LRRC4C: variants seen among roughly 807,000 people sequenced by gnomAD.
The protein encoded by LRRC4C is leucine-rich repeat-containing protein 4C.
LRRC4C carries 5 observed loss-of-function variants against 33.6 expected under a neutral mutation model. The ratio of observed to expected loss-of-function variants is 0.15; its 90% confidence interval spans 0.08 to 0.31. The LOEUF is 0.31. LRRC4C is among the 10% of genes least tolerant of loss of function. The pLI is 1.00. For missense variants in LRRC4C, 560 were observed against 796.7 expected (o/e 0.70, Z 3.58); for synonymous variants, 329 against 302.0 (o/e 1.09, Z -0.93).
At chr11:40,306,427 G>A (rs1444407179) in intron 4 of LRRC4C, among the ~76,000 whole-genome samples, 1 of 152,080 alleles carries the variant, frequency 6.6e-6, no homozygotes, top group Non-Finnish European at 1.5e-5. Context: ...CAAAACCAGA[G>A]TCACCTTCAA....
At chr11:41,154,592 G>A (rs559691826) in intron 1 of LRRC4C, among the ~76,000 whole-genome samples, 10 of 152,152 alleles carry the variant, frequency 6.6e-5, no homozygotes, top group South Asian at 6.2e-4. Flanking sequence ...CAAATAAGGC[G>A]AATAAAATGC....
At chr11:40,331,406 C>T (rs971133550) in intron 3 of LRRC4C, among the ~76,000 whole-genome samples, 1 of 152,152 alleles carries the variant, frequency 6.6e-6, no homozygotes, top group African/African-American at 2.4e-5. Context: ...AATCAACCAA[C>T]ATGTCCATCA....
chr11:40,369,408 G>A (rs1476484141), intron 3 of LRRC4C, among the ~76,000 whole-genome samples: 7 of 152,088 alleles, frequency 4.6e-5, no homozygotes, highest in African/African-American at 1.7e-4. Context: ...GCAATGGCGC[G>A]ATCTCGGAAT....
rs912977453 is a variant in LRRC4C at position 40,934,339 on chromosome 11, G to A, written c.-495-616C>T. On this transcript the variant is annotated intron_variant, in intron 1 of 6. Transcript: ENST00000528697. ...ATATTTTATGAGATTTATAGCTGGT[G>A]TTCCTAATTCTATGTCCCTGCCTTT... Among the ~76,000 whole-genome samples, 12 of 152,216 alleles carry A rather than the reference G, an allele frequency of 7.9e-5. No individual in the cohort carries two copies. The East Asian group carries it at 2.1e-3, about 27-fold the overall frequency.
In LRRC4C at chr11:40,846,416, C is replaced by T. The variant is rs566150209; in HGVS notation, c.-407+87219G>A. ...GCATATGGCTAGCAAGTTTTTCCAA[C>T]GCCATTTATTAAATAGGGAAGATTT... On this transcript the variant is annotated intron_variant, in intron 2 of 6. Coordinates refer to ENST00000528697, the MANE Select transcript of LRRC4C (RefSeq NM_001258419.2). Among the ~76,000 whole-genome samples the T allele has an allele frequency of 5.9e-5, 9 of 152,194 alleles. No individual in the cohort carries two copies. In the East Asian group the frequency reaches 1.2e-3, roughly 20 times the overall value.
At chr11:40,772,260 C>T (rs1320424924) in intron 2 of LRRC4C, among the ~76,000 whole-genome samples, 1 of 152,134 alleles carries the variant, frequency 6.6e-6, no homozygotes, top group Non-Finnish European at 1.5e-5. Context: ...GGGAATAAGC[C>T]TCTTATAAAT....
At chr11:41,254,139 A>C (rs1948726205) in intron 1 of LRRC4C, among the ~76,000 whole-genome samples, 1 of 152,058 alleles carries the variant, frequency 6.6e-6, no homozygotes, top group Non-Finnish European at 1.5e-5. Flanking sequence ...CATCCTTTTT[A>C]TTAATATTTT....
At chr11:41,406,650 C>A (rs1419216056) in intron 1 of LRRC4C, among the ~76,000 whole-genome samples, 1 of 149,332 alleles carries the variant, frequency 6.7e-6, no homozygotes, top group African/African-American at 2.5e-5. Context: ...TTGCTAGGAC[C>A]TAATCTAGCA....
intron 1 of LRRC4C, among the ~76,000 whole-genome samples, chr11:41,121,031 C>A (rs556634016): frequency 9.9e-5 from 15 of 152,100 alleles, no homozygotes; most frequent in Non-Finnish European, 1.9e-4. Flanking sequence ...TCAATTAAAG[C>A]TTTTTTTCTT....
At chr11:40,210,858 C>T (rs746468011) in intron 5 of LRRC4C, among the ~76,000 whole-genome samples, 4 of 152,142 alleles carry the variant, frequency 2.6e-5, no homozygotes, top group African/African-American at 7.2e-5. Context: ...CTGCAAGCTC[C>T]GCCTCCCGGG....
intron 1 of LRRC4C, among the ~76,000 whole-genome samples, chr11:41,007,118 T>A (rs1854811542): frequency 6.6e-6 from 1 of 152,042 alleles, no homozygotes; most frequent in South Asian, 2.1e-4. Flanking sequence ...AAAATATGTT[T>A]CAAAAACCCT....
intron 5 of LRRC4C, among the ~76,000 whole-genome samples, chr11:40,160,223 AGTG>A (rs1859045986): frequency 6.6e-6 from 1 of 152,018 alleles, no homozygotes; most frequent in African/African-American, 2.4e-5. Context: ...CCCACTTTTA[AGTG>A]AAGTTGTGGG....
chr11:40,815,550 C>T (rs1951672957), intron 2 of LRRC4C, among the ~76,000 whole-genome samples: 1 of 152,178 alleles, frequency 6.6e-6, no homozygotes, highest in Admixed American at 6.5e-5. Flanking sequence ...CCTGATTGCT[C>T]TCCATGGGAA....
At chr11:40,704,048 A>G (rs921695841) in intron 2 of LRRC4C, among the ~76,000 whole-genome samples, 6 of 152,152 alleles carry the variant, frequency 3.9e-5, no homozygotes, top group Non-Finnish European at 8.8e-5. Context: ...TGGTGGGGAG[A>G]GTGGAGGACA....
At chr11:40,772,116 T>C (rs1170559539) in intron 2 of LRRC4C, among the ~76,000 whole-genome samples, 2 of 152,162 alleles carry the variant, frequency 1.3e-5, no homozygotes, top group Non-Finnish European at 2.9e-5. Context: ...GGGTAATTTA[T>C]AGAAGGAAGA....
chr11:40,311,639 G>A (rs1429139528), intron 4 of LRRC4C, among the ~76,000 whole-genome samples: 1 of 152,074 alleles, frequency 6.6e-6, no homozygotes, highest in African/African-American at 2.4e-5. Context: ...CTTGCCAAAT[G>A]CACCACACTT....
At position 41,249,225 on chromosome 11, in the gene LRRC4C, G is replaced by A. The variant is rs759884620; in HGVS notation, c.-496+210206C>T. Among the ~76,000 whole-genome samples the A allele has an allele frequency of 5.9e-5, 9 of 152,026 alleles. No individual in the cohort carries two copies. The Middle Eastern group carries it at 0.014, about 231-fold the overall frequency. ...AATTTTTTGTATTTTTAGTAGAGAC[G>A]GGATTTCACCATGTTAGCCAGGATG... On this transcript the variant is annotated intron_variant, in intron 1 of 6. Transcript: ENST00000528697.
intron 3 of LRRC4C, among the ~76,000 whole-genome samples, chr11:40,437,460 C>A (rs1565386974): frequency 6.6e-6 from 1 of 151,316 alleles, no homozygotes; most frequent in Non-Finnish European, 1.5e-5. Context: ...GTGGCACAAT[C>A]CCGGCTCACT....
intron 2 of LRRC4C, among the ~76,000 whole-genome samples, chr11:40,738,730 T>G (rs1207891730): frequency 6.6e-6 from 1 of 152,062 alleles, no homozygotes; most frequent in Non-Finnish European, 1.5e-5. Flanking sequence ...TGATAGAGAT[T>G]TTTCTTAAGA....
Sources: gnomAD v4.1 joint callset for allele counts (sites outside exome capture counted in the v4.1 genomes callset) on GRCh38, gnomAD v4.1.1 for gene constraint, MANE v1.5 for transcripts, NCBI Gene and HGNC (gene_info 2026-07-23, HGNC 2026-07-21) for gene names.